Variants in BAHCC1 observed in about 807,000 individuals in gnomAD.
BAHCC1 encodes BAH and coiled-coil domain-containing protein 1.
Under a neutral mutation model 88.2 loss-of-function variants are expected in BAHCC1, and 43 were observed. The observed-to-expected ratio is 0.49, with a 90% confidence interval of 0.38 to 0.63. The LOEUF is 0.63. Among genes scored for constraint, BAHCC1 ranks in the 20% least tolerant of loss-of-function variants. BAHCC1 has a pLI of 0.00. For missense variants in BAHCC1, 3,023 were observed against 1,654.8 expected (o/e 1.83, Z -14.34); for synonymous variants, 1,510 against 745.5 (o/e 2.03, Z -16.71).
At chr17:81,439,851 G>C (rs1192295512) in intron 4 of BAHCC1, among the ~76,000 whole-genome samples, 1 of 152,092 alleles carries the variant, frequency 6.6e-6, no homozygotes, top group Non-Finnish European at 1.5e-5. Flanking sequence ...TGTGAGCTGT[G>C]GGGTAGGGAC....
Position 81,399,848 on chromosome 17 carries a change from G to T in BAHCC1, c.109G>T (p.Ala37Ser). 1 of 1,385,628 alleles carries T rather than the reference G, an allele frequency of 7.2e-7. No homozygotes were observed. The allele number at this position is 1,385,628 out of a possible 1,614,324, so 85.8% of individuals were successfully genotyped here. Reference protein sequence around the residue: ...AARLAPAGPAAQPPAHFQPGK... With the variant: ...AARLAPAGPASQPPAHFQPGK... ...GCGTCTCGCCCCGGCTGGGCCCGCC[G>T]CGCAGCCCCCCGCACACTTCCAGCC... The change falls in exon 2 of 28, where the codon GCG becomes TCG. Residue 37 changes from alanine (A) to serine (S), a missense_variant. Coordinates refer to ENST00000675386, the MANE Select transcript of BAHCC1 (RefSeq NM_001377448.1). This position sits in a 1 kb window ranked among gnomAD's most constrained non-coding sequence, Gnocchi z 4.5.
At chr17:81,438,702 G>A (rs1268851964) in intron 4 of BAHCC1, among the ~76,000 whole-genome samples, 1 of 152,176 alleles carries the variant, frequency 6.6e-6, no homozygotes, top group Admixed American at 6.5e-5. Flanking sequence ...CGCAGGTTCA[G>A]TTCCCAGGTC....
chr17:81,425,380 G>GA (rs1568007408), intron 2 of BAHCC1, among the ~76,000 whole-genome samples: 6 of 20,922 alleles, frequency 2.9e-4, no homozygotes, highest in African/African-American at 4.7e-4. Context: ...GTGGTTGGTG[G>GA]TGTGGTTGGT....
intron 14 of BAHCC1, among the ~76,000 whole-genome samples, chr17:81,454,574 G>T (rs1374188079): frequency 9.4e-5 from 2 of 21,198 alleles, no homozygotes; most frequent in South Asian, 1.5e-3. Flanking sequence ...CCCTACCCCC[G>T]CCCCTGGTGG....
intron 3 of BAHCC1, among the ~76,000 whole-genome samples, chr17:81,428,905 C>T (rs1446674345): frequency 6.6e-6 from 1 of 152,240 alleles, no homozygotes; most frequent in Non-Finnish European, 1.5e-5. Flanking sequence ...AATGTCCTGC[C>T]ACAAGTGTCG....
At chr17:81,418,963 C>CAAGT (rs1326329611) in intron 2 of BAHCC1, among the ~76,000 whole-genome samples, 2 of 151,358 alleles carry the variant, frequency 1.3e-5, no homozygotes, top group African/African-American at 4.8e-5. Context: ...TGCCTCTGTG[C>CAAGT]AAGTGTGAGT....
At position 81,428,533 on chromosome 17, in the gene BAHCC1, C is replaced by T. The variant is rs897932085; in HGVS notation, c.358+1554C>T. Among the ~76,000 whole-genome samples the T allele has an allele frequency of 5.9e-4, 90 of 152,328 alleles. No homozygotes were observed. The Middle Eastern group carries it at 0.024, about 40-fold the overall frequency. ...CCCTAGTCAGGGCCCAGAAGTGGCA[C>T]CAGCCCATCCCCAATGCTCTCTGCA... On this transcript the variant is annotated intron_variant, in intron 3 of 27. Coordinates refer to ENST00000675386, the MANE Select transcript of BAHCC1 (RefSeq NM_001377448.1).
At chr17:81,414,480 C>T (rs1339433250) in intron 2 of BAHCC1, among the ~76,000 whole-genome samples, 2 of 152,180 alleles carry the variant, frequency 1.3e-5, no homozygotes, top group East Asian at 1.9e-4. Flanking sequence ...TCGGACCTCC[C>T]GTCTGGGCCC....
intron 3 of BAHCC1, among the ~76,000 whole-genome samples, chr17:81,433,301 G>A (rs991465657): frequency 3.3e-5 from 5 of 152,174 alleles, no homozygotes; most frequent in African/African-American, 4.8e-5. Context: ...GTGAGGGGCC[G>A]TGTGTGGGAG....
At chr17:81,421,591 A>G (rs1459344990) in intron 2 of BAHCC1, among the ~76,000 whole-genome samples, 1 of 152,142 alleles carries the variant, frequency 6.6e-6, no homozygotes, top group Non-Finnish European at 1.5e-5. Flanking sequence ...TCCAAGTTTC[A>G]AGCCAAGGCC....
chr17:81,459,697 A>T, intron 23 of BAHCC1, 93 bp downstream of exon 23: 1 of 673,110 alleles, frequency 1.5e-6, no homozygotes, highest in Admixed American at 2.0e-5. Context: ...GAGGCTGGCG[A>T]GGGCAGAACC....
intron 11 of BAHCC1, among the ~76,000 whole-genome samples, chr17:81,448,580 C>G (rs1471387907): frequency 1.3e-5 from 2 of 152,216 alleles, no homozygotes; most frequent in Non-Finnish European, 2.9e-5. Context: ...GGGCACGGCG[C>G]CGTGGTTGTT....
chr17:81,430,378 C>T (rs1240373993), intron 3 of BAHCC1, among the ~76,000 whole-genome samples: 1 of 152,146 alleles, frequency 6.6e-6, no homozygotes, highest in Non-Finnish European at 1.5e-5. Flanking sequence ...GCCATGGGGG[C>T]GGCAGGCACA....
chr17:81,431,649 C>T (rs1389866302), intron 3 of BAHCC1, among the ~76,000 whole-genome samples: 1 of 152,226 alleles, frequency 6.6e-6, no homozygotes, highest in Non-Finnish European at 1.5e-5. Flanking sequence ...GACTGCACTT[C>T]TGTTATGAGC....
intron 2 of BAHCC1, among the ~76,000 whole-genome samples, chr17:81,414,914 C>T (rs989585940): frequency 6.6e-6 from 1 of 152,206 alleles, no homozygotes; most frequent in East Asian, 1.9e-4. Context: ...TCTCCCACCC[C>T]GGCCTGTCGC....
intron 15 of BAHCC1, among the ~76,000 whole-genome samples, chr17:81,455,998 G>C (rs1281925041): frequency 6.6e-6 from 1 of 152,152 alleles, no homozygotes; most frequent in African/African-American, 2.4e-5. Flanking sequence ...CCTCCCTTTA[G>C]AAAAGCTAAC....
At chr17:81,419,399 G>A (rs1480103351) in intron 2 of BAHCC1, among the ~76,000 whole-genome samples, 2 of 152,268 alleles carry the variant, frequency 1.3e-5, no homozygotes, top group African/African-American at 4.8e-5. Context: ...CCGGAATGAG[G>A]AATGTGGGGC....
Position 81,411,506 on chromosome 17 carries a change from GCCTGCCTGCCTTCCTTCCTTCCTTCCTT to G in BAHCC1, c.178+11593_178+11620del, listed in dbSNP as rs1367435742. 3.9e-4 allele frequency: 128 copies of G among 327,934 alleles called. No individual in the cohort carries two copies. The highest frequency in any genetic ancestry group is 1.8e-4 in the Non-Finnish European group (31 of 171,544). The allele number at this position is 327,934 out of a possible 1,614,324, so 20.3% of individuals were successfully genotyped here. A position where few individuals can be genotyped will look rare whatever the true frequency, so the allele number is the denominator to read the frequency against. On this transcript the variant is annotated intron_variant, in intron 2 of 27. Transcript: ENST00000675386. The surrounding 1 kb of genome is among the most constrained non-coding windows in gnomAD (Gnocchi z 6.2). ...TGCCTGCCTGCCTGCCTGCCTGCCT[GCCTGCCTGCCTTCCTTCCTTCCTTCCTT>G]CCTTCCTTCCTTCCTTCCTTCCTTC...
chr17:81,446,479 A>C (rs1209872398), intron 10 of BAHCC1, among the ~76,000 whole-genome samples: 1 of 137,176 alleles, frequency 7.3e-6, no homozygotes, highest in Non-Finnish European at 1.5e-5. Context: ...GGGAGCTTCA[A>C]GGCCACTCTT....
Sources: allele counts gnomAD v4.1 joint callset (sites outside exome capture counted in the v4.1 genomes callset), GRCh38; gene constraint gnomAD v4.1.1; non-coding constraint Gnocchi (gnomAD v3.1); transcripts MANE v1.5; gene names NCBI Gene and HGNC (gene_info 2026-07-23, HGNC 2026-07-21).